The following TLL2 variants were observed in gnomAD, a reference collection of about 807,000 sequenced individuals.
TLL2 encodes the protein tolloid-like protein 2.
Under a neutral mutation model 123.0 loss-of-function variants are expected in TLL2, and 106 were observed. The ratio of observed to expected loss-of-function variants is 0.86; its 90% CI spans 0.74 to 1.01. The LOEUF (loss-of-function observed/expected upper bound fraction) is 1.01. TLL2 is among the 50% of genes least tolerant of loss of function. The pLI, the probability that TLL2 is intolerant of heterozygous loss-of-function variation, is 0.00. For synonymous variants in TLL2, 494 were observed against 516.8 expected (o/e 0.96, Z 0.60); for missense variants, 1,332 against 1,336.7 (o/e 1.00, Z 0.06).
In TLL2 at chr10:96,386,189, G is replaced by C; in HGVS notation, c.1879C>G (p.Leu627Val). 2 of 1,602,368 alleles carry C rather than the reference G, an allele frequency of 1.2e-6. No individual in the cohort carries two copies. The highest frequency in any genetic ancestry group is 1.7e-6 in the Non-Finnish European group (2 of 1,173,708). Residue 627 changes from leucine to valine, a missense_variant, in exon 15 of 21, where the codon CTG becomes GTG. By Grantham distance (32) the Leu-to-Val change is conservative. Coordinates refer to ENST00000357947, the MANE Select transcript of TLL2 (RefSeq NM_012465.4). ...CCAGGGCTGGTGATGGTTCCATTCA[G>C]CTTGGTAATGAAACCGCCACAGGCC... ...EVACGGFITK[L>V]NGTITSPGWP...
intron 9 of TLL2, among the ~76,000 whole-genome samples, chr10:96,408,699 G>A (rs892980594): frequency 6.6e-6 from 1 of 152,360 alleles, no homozygotes. Flanking sequence ...AAGGAAGGAT[G>A]TATACATGTG....
At chr10:96,464,866 T>C (rs932986571) in intron 2 of TLL2, among the ~76,000 whole-genome samples, 5 of 152,184 alleles carry the variant, frequency 3.3e-5, no homozygotes, top group African/African-American at 1.2e-4. Flanking sequence ...ATCTGAGCTC[T>C]GAAAAGCAGA....
At chr10:96,424,028 TTA>T (rs1278034475) in intron 5 of TLL2, among the ~76,000 whole-genome samples, 1 of 152,192 alleles carries the variant, frequency 6.6e-6, no homozygotes, top group Non-Finnish European at 1.5e-5. Flanking sequence ...CTGGAGATCA[TTA>T]TGTTAAGTGA....
chr10:96,381,931 A>G (rs1370305078), intron 16 of TLL2, among the ~76,000 whole-genome samples: 1 of 152,252 alleles, frequency 6.6e-6, no homozygotes, highest in African/African-American at 2.4e-5. Context: ...CCAAGCATTA[A>G]GACTATAAAG....
chr10:96,431,006 C>T (rs1393721024), intron 4 of TLL2, among the ~76,000 whole-genome samples: 2 of 152,156 alleles, frequency 1.3e-5, no homozygotes, highest in African/African-American at 4.8e-5. Flanking sequence ...CAATCGCTCA[C>T]CAAAAATAGC....
chr10:96,368,056 T>A lies in TLL2; in HGVS notation c.*32A>T, dbSNP rs200915395. ...TAAAAACAAAACAAAACAAAAAAAATTCTCAGTTTCTGTCTTTCAAGAACA... is the reference window on the plus strand; with the variant it reads ...TAAAAACAAAACAAAACAAAAAAAAATCTCAGTTTCTGTCTTTCAAGAACA... On this transcript the variant is annotated 3_prime_UTR_variant, in exon 21 of 21. Coordinates refer to ENST00000357947, the MANE Select transcript of TLL2 (RefSeq NM_012465.4). The A allele has an allele frequency of 3.7e-6, 6 of 1,609,406 alleles. No individual in the cohort carries two copies. Among genetic ancestry groups the A allele is most frequent in the African/African-American group, 1.3e-5 (1 of 74,744 alleles).
intron 1 of TLL2, among the ~76,000 whole-genome samples, chr10:96,512,047 C>A (rs2134119456): frequency 6.6e-6 from 1 of 152,288 alleles, no homozygotes; most frequent in East Asian, 1.9e-4. Flanking sequence ...GTCCAGGAAC[C>A]AACTCCTCTG....
intron 1 of TLL2, among the ~76,000 whole-genome samples, chr10:96,509,226 G>A (rs1162803227): frequency 6.6e-6 from 1 of 152,166 alleles, no homozygotes; most frequent in Non-Finnish European, 1.5e-5. Context: ...CTGAGGCTTA[G>A]CCATCATGGA....
intron 16 of TLL2, 60 bp downstream of exon 16, chr10:96,384,527 C>G: frequency 2.1e-6 from 3 of 1,460,174 alleles, no homozygotes; most frequent in Non-Finnish European, 2.7e-6. Flanking sequence ...ACCCCAGAGC[C>G]TGGAGTCTGC....
intron 10 of TLL2, among the ~76,000 whole-genome samples, chr10:96,400,579 C>A (rs1446821714): frequency 6.6e-6 from 1 of 152,188 alleles, no homozygotes; most frequent in African/African-American, 2.4e-5. Context: ...CTCACTGCAT[C>A]ATTTCTGCTC....
chr10:96,393,687 A>G (rs1158170366), intron 13 of TLL2, among the ~76,000 whole-genome samples: 1 of 151,112 alleles, frequency 6.6e-6, no homozygotes, highest in Non-Finnish European at 1.5e-5. Flanking sequence ...TCAGAAGCTG[A>G]CCTGCTTTCA....
At chr10:96,369,590 G>A (rs1341794936) in intron 20 of TLL2, among the ~76,000 whole-genome samples, 5 of 151,806 alleles carry the variant, frequency 3.3e-5, no homozygotes, top group African/African-American at 4.8e-5. Flanking sequence ...GTGAAACCCC[G>A]TCTCTACTGA....
intron 2 of TLL2, among the ~76,000 whole-genome samples, chr10:96,450,399 C>T (rs1459791836): frequency 3.3e-5 from 5 of 152,126 alleles, no homozygotes; most frequent in Admixed American, 6.5e-5. Context: ...GTCCCACCCC[C>T]GCCGGAGGTT....
Position 96,476,241 on chromosome 10 carries a change from T to TATTC in TLL2, c.286+4107_286+4108insGAAT, listed in dbSNP as rs1554939631. Among the ~76,000 whole-genome samples, 149 of 72,352 alleles carry TATTC rather than the reference T, an allele frequency of 2.1e-3. 12 individuals carry two copies. The highest frequency in any genetic ancestry group is 2.3e-3 in the Non-Finnish European group (85 of 36,508). The allele number at this position is 72,352 out of a possible 152,430, so 47.5% of individuals were successfully genotyped here. On this transcript the variant is annotated intron_variant, in intron 2 of 20. Coordinates refer to ENST00000357947, the MANE Select transcript of TLL2 (RefSeq NM_012465.4). ...TTATATGTATATATATATATATATA[T>TATTC]TTTATTTTTGTTGTTGTTGTTGTTG...
intron 9 of TLL2, among the ~76,000 whole-genome samples, chr10:96,409,757 C>T (rs1036434461): frequency 2.0e-5 from 3 of 152,208 alleles, no homozygotes; most frequent in African/African-American, 4.8e-5. Flanking sequence ...CTACGCCACA[C>T]TCCAGGAATC....
intron 2 of TLL2, among the ~76,000 whole-genome samples, chr10:96,473,978 C>T (rs1847211309): frequency 6.6e-6 from 1 of 152,072 alleles, no homozygotes; most frequent in South Asian, 2.1e-4. Context: ...GCAAGAGGGT[C>T]GGAAAGTGTA....
chr10:96,387,871 A>C (rs192866125), intron 13 of TLL2, among the ~76,000 whole-genome samples: 1 of 152,296 alleles, frequency 6.6e-6, no homozygotes, highest in African/African-American at 2.4e-5. Context: ...AAACCAAAAC[A>C]CATGTTAGAA....
Position 96,410,393 on chromosome 10 carries a change from C to T in TLL2, c.1130G>A (p.Cys377Tyr). 1 of 1,613,836 alleles carries T rather than the reference C, an allele frequency of 6.2e-7. No individual in the cohort carries two copies. The highest frequency in any genetic ancestry group is 1.1e-5 in the South Asian group (1 of 91,054). ...TGGGGTGACCGAGATCCTCCAGACG[C>T]AGTGGGAGTAAGATGGGTACCCATT... is the stretch of plus-strand genomic sequence containing the variant. ...FPNGYPSYSH[C>Y]VWRISVTPGE... Residue 377 changes from cysteine (C) to tyrosine (Y), a missense_variant, in exon 9 of 21, where the codon TGC (cysteine) becomes TAC (tyrosine). Physicochemically the swap from Cys to Tyr is radical, Grantham distance 194. Transcript: ENST00000357947.
intron 1 of TLL2, among the ~76,000 whole-genome samples, chr10:96,480,761 A>G (rs1847305454): frequency 6.6e-6 from 1 of 152,240 alleles, no homozygotes; most frequent in African/African-American, 2.4e-5. Flanking sequence ...AAACTACCAC[A>G]AAAAGACAGC....
Sources: allele counts gnomAD v4.1 joint callset (sites outside exome capture counted in the v4.1 genomes callset), GRCh38; gene constraint gnomAD v4.1.1; transcripts MANE v1.5; gene names NCBI Gene and HGNC (gene_info 2026-07-23, HGNC 2026-07-21).